Variants in CDH18 observed in about 807,000 individuals in gnomAD.
CDH18 encodes the protein cadherin 18.
In CDH18, 31 loss-of-function variants were observed where a neutral mutation model predicts 67.9. That is an observed-to-expected ratio of 0.46 (90% CI 0.34 to 0.62). The LOEUF is 0.62. CDH18 is among the 20% of genes least tolerant of loss of function. The pLI, the probability that CDH18 is intolerant of heterozygous loss-of-function variation, is 0.01. For synonymous variants in CDH18, 362 were observed against 347.2 expected, an observed-to-expected ratio of 1.04 and a Z score of -0.48; for missense variants, 890 against 975.5, an observed-to-expected ratio of 0.91 and a Z score of 1.17.
chr5:19,754,279 A>G (rs1398686626), intron 3 of CDH18, among the ~76,000 whole-genome samples: 1 of 152,192 alleles, frequency 6.6e-6, no homozygotes, highest in Non-Finnish European at 1.5e-5. Flanking sequence ...CCTAACACAT[A>G]AAGACTCACA....
chr5:19,550,355 T>G (rs1174308367), intron 8 of CDH18, among the ~76,000 whole-genome samples: 3 of 152,074 alleles, frequency 2.0e-5, no homozygotes, highest in Non-Finnish European at 2.9e-5. Flanking sequence ...GTCGGTGTGC[T>G]GCACCCATTA....
intron 1 of CDH18, among the ~76,000 whole-genome samples, chr5:20,552,087 G>A (rs1757663139): frequency 6.6e-6 from 1 of 151,922 alleles, no homozygotes; most frequent in Non-Finnish European, 1.5e-5. Flanking sequence ...AGCAATAGCA[G>A]GTATGTTTGC....
chr5:19,571,534 G>T, intron 8 of CDH18, 45 bp downstream of exon 8: 8 of 1,535,514 alleles, frequency 5.2e-6, no homozygotes, highest in Non-Finnish European at 7.1e-6. Flanking sequence ...AATGTGAGAG[G>T]CAATAAAAAT....
chr5:19,736,289 G>A (rs1430553822), intron 4 of CDH18, among the ~76,000 whole-genome samples: 1 of 152,226 alleles, frequency 6.6e-6, no homozygotes, highest in East Asian at 1.9e-4. Flanking sequence ...GCTGAGGAGG[G>A]AGGATCACTT....
intron 2 of CDH18, among the ~76,000 whole-genome samples, chr5:19,958,231 A>T (rs1796448319): frequency 6.6e-6 from 1 of 151,628 alleles, no homozygotes; most frequent in African/African-American, 2.4e-5. Flanking sequence ...GAGTAGAATA[A>T]ACACTCTCAA....
At chr5:19,528,973 G>T (rs1012821409) in intron 9 of CDH18, among the ~76,000 whole-genome samples, 2 of 151,026 alleles carry the variant, frequency 1.3e-5, no homozygotes, top group African/African-American at 4.9e-5. Context: ...TTTGGAAATA[G>T]AACTTAAAAA....
At chr5:19,938,099 G>C (rs566540766) in intron 2 of CDH18, among the ~76,000 whole-genome samples, 1 of 149,344 alleles carries the variant, frequency 6.7e-6, no homozygotes, top group African/African-American at 2.4e-5. Context: ...TTGGGAGATG[G>C]TGTTTAAAAA....
At chr5:20,390,012 T>C (rs1744698674) in intron 1 of CDH18, among the ~76,000 whole-genome samples, 1 of 152,164 alleles carries the variant, frequency 6.6e-6, no homozygotes, top group Non-Finnish European at 1.5e-5. Context: ...GACTTACATG[T>C]TAGATCTAAA....
intron 2 of CDH18, among the ~76,000 whole-genome samples, chr5:20,149,135 G>A (rs1750902467): frequency 6.6e-6 from 1 of 151,974 alleles, no homozygotes; most frequent in Admixed American, 6.6e-5. Flanking sequence ...ACTATATTCT[G>A]ACTTATTTCC....
intron 5 of CDH18, among the ~76,000 whole-genome samples, chr5:19,647,527 CA>C (rs3062888): frequency 0.035 from 1,000 of 28,618 alleles, 2 homozygotes; most frequent in African/African-American, 0.094. Context: ...GAGACTCCAT[CA>C]AAAAAAAAAA....
At chr5:20,337,890 A>G (rs776631726) in intron 1 of CDH18, among the ~76,000 whole-genome samples, 1 of 152,242 alleles carries the variant, frequency 6.6e-6, no homozygotes, top group East Asian at 1.9e-4. Context: ...TTGCACTTAC[A>G]GTTCCACGTG....
At chr5:20,567,228 G>T (rs944516686) in intron 1 of CDH18, among the ~76,000 whole-genome samples, 3 of 152,168 alleles carry the variant, frequency 2.0e-5, no homozygotes, top group Non-Finnish European at 4.4e-5. Context: ...CTAGGGCTGG[G>T]AGAACAAAAG....
At chr5:20,302,152 T>G (rs1366241717) in intron 1 of CDH18, among the ~76,000 whole-genome samples, 1 of 152,180 alleles carries the variant, frequency 6.6e-6, no homozygotes, top group African/African-American at 2.4e-5. Context: ...CTTCATAGAT[T>G]CTCAAACAAA....
chr5:19,495,835 C>A (rs1460017534), intron 11 of CDH18, among the ~76,000 whole-genome samples: 1 of 151,050 alleles, frequency 6.6e-6, no homozygotes, highest in Admixed American at 6.6e-5. Context: ...AGAGAAGAAG[C>A]AAACCGTTGG....
intron 1 of CDH18, among the ~76,000 whole-genome samples, chr5:20,376,091 A>ATTTTTTTTTTTTTTTTTT (rs562655039): frequency 0.014 from 680 of 49,734 alleles, 241 homozygotes; most frequent in Middle Eastern, 0.059. Context: ...AAAAGAAACA[A>ATTTTTTTTTTTTTTTTTT]TTTTTTTTTT....
At chr5:20,354,628 T>C (rs1246400938) in intron 1 of CDH18, among the ~76,000 whole-genome samples, 4 of 152,092 alleles carry the variant, frequency 2.6e-5, no homozygotes, top group Non-Finnish European at 4.4e-5. Flanking sequence ...CCTGAGCTTG[T>C]CTCGAACCCC....
chr5:20,510,424 T>C (rs1754960243), intron 1 of CDH18, among the ~76,000 whole-genome samples: 1 of 152,194 alleles, frequency 6.6e-6, no homozygotes, highest in African/African-American at 2.4e-5. Flanking sequence ...CTCATTTGAC[T>C]GTCATTACAA....
intron 2 of CDH18, among the ~76,000 whole-genome samples, chr5:20,179,143 G>C (rs993184781): frequency 6.6e-6 from 1 of 151,992 alleles, no homozygotes; most frequent in Non-Finnish European, 1.5e-5. Context: ...TTATAGTAAA[G>C]ACAAAATAAT....
chr5:20,057,503 T>G (rs1742099352), intron 2 of CDH18, among the ~76,000 whole-genome samples: 1 of 152,230 alleles, frequency 6.6e-6, no homozygotes, highest in Admixed American at 6.5e-5. Flanking sequence ...ATTTAGATTG[T>G]TCAATACATT....
Sources: allele counts gnomAD v4.1 joint callset (sites outside exome capture counted in the v4.1 genomes callset), GRCh38; gene constraint gnomAD v4.1.1; transcripts MANE v1.5; gene names NCBI Gene and HGNC (gene_info 2026-07-23, HGNC 2026-07-21).